Variants in CAPN9 observed in about 807,000 individuals in gnomAD.
CAPN9 encodes calpain 9, also known as calpain-9.
A neutral mutation model predicts 92.8 loss-of-function variants in CAPN9; 81 were observed. The ratio of observed to expected loss-of-function variants is 0.87; its 90% CI spans 0.73 to 1.05. CAPN9 has a LOEUF of 1.05. CAPN9 is among the 50% of genes least tolerant of loss of function. The pLI is 0.00. For missense variants in CAPN9, 848 were observed against 866.2 expected, an observed-to-expected ratio of 0.98 and a Z score of 0.26; for synonymous variants, 304 against 328.0, an observed-to-expected ratio of 0.93 and a Z score of 0.79.
chr1:230,796,814 C>CG (rs980735686), intron 18 of CAPN9, among the ~76,000 whole-genome samples: 1 of 152,120 alleles, frequency 6.6e-6, no homozygotes, highest in African/African-American at 2.4e-5. Context: ...CTTCCCAGAA[C>CG]GGGGGGTGGG....
chr1:230,797,878 A>G (rs1481748601), intron 18 of CAPN9, among the ~76,000 whole-genome samples: 3 of 152,120 alleles, frequency 2.0e-5, no homozygotes. Context: ...CCAGAAGGTT[A>G]AGATAGGGGC....
chr1:230,782,122 T>C (rs1261939720), intron 11 of CAPN9, among the ~76,000 whole-genome samples: 1 of 152,162 alleles, frequency 6.6e-6, no homozygotes, highest in Non-Finnish European at 1.5e-5. Flanking sequence ...TTCTCTATCT[T>C]ATTAGTGGGG....
intron 4 of CAPN9, among the ~76,000 whole-genome samples, chr1:230,763,111 G>A (rs947635836): frequency 1.3e-4 from 20 of 152,126 alleles, no homozygotes; most frequent in Middle Eastern, 3.2e-3. Flanking sequence ...CACTTCCCTC[G>A]GACACTGGCA....
intron 19 of CAPN9, 105 bp from the exon 20 acceptor site, chr1:230,801,465 T>G (rs1668721938): frequency 9.6e-7 from 1 of 1,040,348 alleles, no homozygotes; most frequent in Admixed American, 1.7e-5. Flanking sequence ...AATGATCAAA[T>G]AGCAGATCTC....
At chr1:230,779,251 G>A in intron 9 of CAPN9, 118 bp downstream of exon 9, 1 of 926,052 alleles carries the variant, frequency 1.1e-6, no homozygotes, top group Non-Finnish European at 1.6e-6. Flanking sequence ...GGTTTCAAAA[G>A]TGACTGGGGA....
Position 230,778,957 on chromosome 1 carries a change from C to A in CAPN9, c.954-16C>A. The stretch of plus-strand genomic sequence containing the variant: ...TCTTGCCCTCCTGTGCATCGTGTCT[C>A]TCCGCTTTGCTGCAGGATGGCATTT... On this transcript the variant is annotated splice_polypyrimidine_tract_variant and intron_variant, in intron 8 of 19. Coordinates refer to ENST00000271971, the MANE Select transcript of CAPN9 (RefSeq NM_006615.3). The A allele has an allele frequency of 6.2e-7, 1 of 1,610,272 alleles. No homozygotes were observed. Among genetic ancestry groups the A allele is most frequent in the Non-Finnish European group, 8.5e-7 (1 of 1,177,722 alleles).
chr1:230,772,762 T>A (rs531842723), intron 7 of CAPN9, among the ~76,000 whole-genome samples: 2,363 of 121,582 alleles, frequency 0.019, 79 homozygotes, highest in African/African-American at 0.068. Flanking sequence ...TTTTTTTTTT[T>A]AAAGGAAAAA....
intron 3 of CAPN9, among the ~76,000 whole-genome samples, chr1:230,760,097 C>T (rs927194762): frequency 1.2e-4 from 19 of 152,074 alleles, no homozygotes; most frequent in Non-Finnish European, 2.1e-4. Flanking sequence ...CCGTGTGACC[C>T]GCAGACCCTC....
chr1:230,754,407 A>AT (rs2102834785), intron 1 of CAPN9, among the ~76,000 whole-genome samples: 1 of 85,930 alleles, frequency 1.2e-5, no homozygotes, highest in East Asian at 2.6e-4. Flanking sequence ...GTAATATAGA[A>AT]TAATATATAT....
At chr1:230,774,754 T>C (rs1666634594) in intron 8 of CAPN9, 123 bp downstream of exon 8, 2 of 676,944 alleles carry the variant, frequency 3.0e-6, no homozygotes, top group African/African-American at 1.9e-5. Context: ...TTTTTTTTTT[T>C]TTTTGAGACG....
At chr1:230,781,212 C>T (rs1009928812) in intron 11 of CAPN9, among the ~76,000 whole-genome samples, 5 of 146,628 alleles carry the variant, frequency 3.4e-5, no homozygotes, top group Admixed American at 1.3e-4. Flanking sequence ...GGCACATATC[C>T]CTTCTAGCTC....
intron 12 of CAPN9, among the ~76,000 whole-genome samples, chr1:230,786,814 G>A (rs1355755577): frequency 6.6e-6 from 1 of 152,160 alleles, no homozygotes; most frequent in Non-Finnish European, 1.5e-5. Flanking sequence ...GAGGCAGGGA[G>A]ATGTTTTTTA....
At chr1:230,780,371 C>T (rs770788338) in intron 10 of CAPN9, 35 bp downstream of exon 10, 1 of 1,607,868 alleles carries the variant, frequency 6.2e-7, no homozygotes, top group Non-Finnish European at 8.5e-7. Flanking sequence ...CAGAGTTCTC[C>T]ATCTGAGTTC....
chr1:230,759,036 A>T (rs1363590567), intron 2 of CAPN9, among the ~76,000 whole-genome samples: 1 of 152,244 alleles, frequency 6.6e-6, no homozygotes, highest in Non-Finnish European at 1.5e-5. Context: ...TTTAAAGCAA[A>T]TGGAGCCACC....
chr1:230,793,064 C>T (rs371809482), intron 17 of CAPN9, 136 bp downstream of exon 17: 38 of 688,780 alleles, frequency 5.5e-5, no homozygotes, highest in East Asian at 5.2e-4. Context: ...CTTAAGGTCA[C>T]GGCCCTTGGA....
chr1:230,787,590 A>G lies in CAPN9; in HGVS notation c.1587A>G (p.Gln529=). The G allele has an allele frequency of 6.2e-7, 1 of 1,613,980 alleles. No individual in the cohort carries two copies. The highest frequency in any genetic ancestry group is 8.5e-7 in the Non-Finnish European group (1 of 1,179,862). The change falls in exon 13 of 20, where the codon CAA becomes CAG. Residue 529 remains glutamine, a synonymous_variant. Coordinates refer to ENST00000271971, the MANE Select transcript of CAPN9 (RefSeq NM_006615.3). ...AGCGGTTTCGGGCTCTGTTTGAACA[A>G]GTCGCTGGTGAGGTAGGACATGCCC... The part of the protein sequence containing the change: ...EEQRFRALFE[Q]VAGEDMEVTA...
chr1:230,771,965 C>G (rs750941615), intron 6 of CAPN9, 49 bp from the exon 7 acceptor site: 3 of 1,509,324 alleles, frequency 2.0e-6, no homozygotes, highest in Non-Finnish European at 2.8e-6. Flanking sequence ...GTGGCCAAAC[C>G]TCCACCATAT....
At chr1:230,794,049 C>T (rs1431826318) in intron 17 of CAPN9, among the ~76,000 whole-genome samples, 2 of 152,172 alleles carry the variant, frequency 1.3e-5, no homozygotes, top group African/African-American at 2.4e-5. Context: ...GTCTGACCTG[C>T]CTGCTCCTCT....
chr1:230,779,346 G>A (rs992221172), intron 9 of CAPN9, among the ~76,000 whole-genome samples: 6 of 152,208 alleles, frequency 3.9e-5, no homozygotes, highest in African/African-American at 1.4e-4. Flanking sequence ...TCCATTACAA[G>A]TAATGGAAAG....
Sources: allele counts gnomAD v4.1 joint callset (sites outside exome capture counted in the v4.1 genomes callset), GRCh38; gene constraint gnomAD v4.1.1; transcripts MANE v1.5; gene names NCBI Gene and HGNC (gene_info 2026-07-23, HGNC 2026-07-21).